MAGED1: variants seen among roughly 807,000 people sequenced by gnomAD.
MAGED1 encodes the protein MAGE family member D1, also known as melanoma-associated antigen D1.
In MAGED1, 3 loss-of-function variants were observed where a neutral mutation model predicts 54.1. The observed-to-expected ratio is 0.06, with a 90% CI of 0.03 to 0.14. The LOEUF (loss-of-function observed/expected upper bound fraction) is 0.14, where lower values mean the gene tolerates loss of function less well. MAGED1 is among the 10% of genes least tolerant of loss of function. The pLI is 1.00. For synonymous variants in MAGED1, 217 were observed against 227.3 expected, an observed-to-expected ratio of 0.95 and a Z score of 0.41; for missense variants, 485 against 623.4, an observed-to-expected ratio of 0.78 and a Z score of 2.36.
chrX:51,825,099 G>A (rs1925806673), intron 1 of MAGED1, among the ~76,000 whole-genome samples: 1 of 110,708 alleles, frequency 9.0e-6, no homozygotes, highest in Admixed American at 9.7e-5. Flanking sequence ...TCACACACAA[G>A]CTTTATTGGG....
rs910717071 is a variant in MAGED1 at position 51,898,663 on chromosome X, C to A, written c.1844+20C>A. 2 of 1,179,479 alleles carry A rather than the reference C, an allele frequency of 1.7e-6. No homozygotes were observed. Among genetic ancestry groups the A allele is most frequent in the East Asian group, 5.9e-5 (2 of 33,656 alleles). ...GCAGAAGTAAGTGATGCCTAAGGGG[C>A]TTTTCCTGCTTCTTATGATTCTGCC... On this transcript the variant is annotated intron_variant, in intron 10 of 12. Transcript: ENST00000326587.
chrX:51,858,293 G>T lies in MAGED1; in HGVS notation c.-36-35976G>T, dbSNP rs1268697379. 2.7e-5 allele frequency among the ~76,000 whole-genome samples: 3 copies of T among 111,397 alleles called. No homozygotes were observed. In the Admixed American group the frequency reaches 2.9e-4, roughly 11 times the overall value. On this transcript the variant is annotated intron_variant, in intron 1 of 12. Transcript: ENST00000375772. ...GTCCTAGAGAGTTTAATTGTTCTGG[G>T]TTTATAGTGGCAATATGTAAATCTT...
At chrX:51,840,719 A>G (rs1926433486) in intron 1 of MAGED1, among the ~76,000 whole-genome samples, 1 of 109,661 alleles carries the variant, frequency 9.1e-6, no homozygotes, top group Non-Finnish European at 1.9e-5. Flanking sequence ...TTTACTGAGA[A>G]TGATGATTTC....
intron 1 of MAGED1, among the ~76,000 whole-genome samples, chrX:51,830,055 A>G (rs1384514105): frequency 3.6e-5 from 4 of 111,999 alleles, no homozygotes; most frequent in Non-Finnish European, 1.9e-5. Context: ...TAATAGGGGA[A>G]TGATCAATAA....
At chrX:51,868,395 C>G (rs6614330) in intron 1 of MAGED1, among the ~76,000 whole-genome samples, 1 of 110,736 alleles carries the variant, frequency 9.0e-6, no homozygotes, top group African/African-American at 3.3e-5. Flanking sequence ...GTGTAAAATC[C>G]TAAGTGATGT....
intron 1 of MAGED1, among the ~76,000 whole-genome samples, chrX:51,827,192 G>A (rs1487905972): frequency 9.0e-6 from 1 of 111,436 alleles, no homozygotes; most frequent in East Asian, 2.8e-4. Flanking sequence ...TAGCCTGGGA[G>A]GCAGAGGTTG....
chrX:51,836,573 GTT>G (rs782017259), intron 1 of MAGED1, among the ~76,000 whole-genome samples: 1 of 99,047 alleles, frequency 1.0e-5, no homozygotes. Flanking sequence ...TGTGTACTCT[GTT>G]TTTTTTTTTT....
At chrX:51,891,911 A>G (rs1928449870), upstream of MAGED1, among the ~76,000 whole-genome samples, 1 of 112,287 alleles carries the variant, frequency 8.9e-6, no homozygotes, top group Admixed American at 9.4e-5. Flanking sequence ...GTCTCACTGC[A>G]GACACTTTAC....
rs1218591001 is a variant in MAGED1, at chrX:51,846,093, G to A, written c.-37+42976G>A. Reference sequence around the variant, plus strand: ...GCCCGGCCCGATGTGAATCTTTGGGGGCCAGAGAGTGGACTATCATAGGCT... The same window carrying A: ...GCCCGGCCCGATGTGAATCTTTGGGAGCCAGAGAGTGGACTATCATAGGCT... On this transcript the variant is annotated intron_variant, in intron 1 of 12. Transcript: ENST00000375772. Among the ~76,000 whole-genome samples, 4 of 111,579 alleles carry A rather than the reference G, an allele frequency of 3.6e-5. No individual in the cohort carries two copies. In the East Asian group the frequency reaches 1.1e-3, roughly 32 times the overall value.
intron 1 of MAGED1, chrX:51,857,997 A>G (rs983093891): frequency 1.2e-4 from 14 of 112,557 alleles, no homozygotes. Flanking sequence ...TTATTAATGT[A>G]ATGTGTGTGG....
intron 1 of MAGED1, among the ~76,000 whole-genome samples, chrX:51,887,151 T>A (rs904904593): frequency 1.9e-5 from 2 of 107,840 alleles, no homozygotes; most frequent in East Asian, 2.9e-4. Context: ...AATATTTCTA[T>A]ACTAAAAACT....
chrX:51,888,045 G>C (rs2147008446), intron 1 of MAGED1, among the ~76,000 whole-genome samples: 1 of 111,122 alleles, frequency 9.0e-6, no homozygotes, highest in East Asian at 2.8e-4. Context: ...AAGGAGGTGG[G>C]GATGGTTAAT....
chrX:51,822,510 G>T (rs782574611), intron 1 of MAGED1, among the ~76,000 whole-genome samples: 6 of 109,653 alleles, frequency 5.5e-5, no homozygotes, highest in Non-Finnish European at 1.1e-4. Context: ...ATTATTTTTC[G>T]ATTCTCTATG....
chrX:51,823,471 G>A (rs1243254874), intron 1 of MAGED1, among the ~76,000 whole-genome samples: 1 of 111,399 alleles, frequency 9.0e-6, no homozygotes, highest in African/African-American at 3.3e-5. Context: ...ATGTTTATAT[G>A]GTATCTCTTT....
upstream of MAGED1, among the ~76,000 whole-genome samples, chrX:51,890,763 T>C (rs781907327): frequency 9.5e-6 from 1 of 105,064 alleles, no homozygotes; most frequent in Non-Finnish European, 1.9e-5. Context: ...AAATGTGTTC[T>C]ACCACATTGC....
chrX:51,894,983 C>A (rs1434076736), intron 2 of MAGED1, 70 bp from the exon 3 acceptor site: 4 of 981,961 alleles, frequency 4.1e-6, no homozygotes, highest in Non-Finnish European at 5.5e-6. Context: ...GCCACCCGGG[C>A]TCCCTATTCC....
intron 1 of MAGED1, among the ~76,000 whole-genome samples, chrX:51,868,039 T>G (rs1317716776): frequency 8.9e-6 from 1 of 112,297 alleles, no homozygotes; most frequent in Non-Finnish European, 1.9e-5. Context: ...TATTTAAAAC[T>G]CCATCTAAAT....
intron 1 of MAGED1, among the ~76,000 whole-genome samples, chrX:51,868,881 A>T (rs782141065): frequency 8.9e-6 from 1 of 112,010 alleles, no homozygotes; most frequent in Admixed American, 9.4e-5. Flanking sequence ...GTGAGGACAG[A>T]TGGATACAGT....
At chrX:51,812,033 A>G (rs1925236770) in intron 1 of MAGED1, among the ~76,000 whole-genome samples, 1 of 110,646 alleles carries the variant, frequency 9.0e-6, no homozygotes, top group South Asian at 3.9e-4. Context: ...CAGCGGTGCT[A>G]TGCTAGAGGA....
Sources: allele counts gnomAD v4.1 joint callset (sites outside exome capture counted in the v4.1 genomes callset), GRCh38; gene constraint gnomAD v4.1.1; transcripts MANE v1.5; gene names NCBI Gene and HGNC (gene_info 2026-07-23, HGNC 2026-07-21).